OPA3: variants seen among roughly 807,000 people sequenced by gnomAD.
OPA3 encodes the protein outer mitochondrial membrane lipid metabolism regulator OPA3.
OPA3 carries 6 observed loss-of-function variants against 4.0 expected under a neutral mutation model. The ratio of observed to expected loss-of-function variants is 1.51; its 90% CI spans 0.83 to 2.99. The LOEUF (loss-of-function observed/expected upper bound fraction) is 2.99, where lower values mean the gene tolerates loss of function less well. Ranked by LOEUF, OPA3 falls within the 30% of genes most tolerant of loss-of-function variation. OPA3 has a pLI of 0.00. For missense variants in OPA3, 235 were observed against 256.2 expected, an observed-to-expected ratio of 0.92 and a Z score of 0.56; for synonymous variants, 105 against 117.1, an observed-to-expected ratio of 0.90 and a Z score of 0.67.
Position 45,552,988 on chromosome 19 carries a change from T to A in OPA3, c.*526A>T. 1.0e-6 allele frequency: 1 copy of A among 992,688 alleles called. No homozygotes were observed. Among genetic ancestry groups the A allele is most frequent in the Non-Finnish European group, 1.2e-6 (1 of 834,578 alleles). 61.5% of individuals were successfully genotyped at this position (992,688 alleles called of 1,614,324 possible). A position where few individuals can be genotyped will look rare whatever the true frequency, so the allele number is the denominator to read the frequency against. ...ACCGCTCCCAGCCGCACCGTTTTTT[T>A]CCTCCTTAAGAGAGCACTGATGCTC... On this transcript the variant is annotated 3_prime_UTR_variant, in exon 2 of 2. Coordinates refer to ENST00000263275, the MANE Select transcript of OPA3 (RefSeq NM_025136.4).
chr19:45,580,051 TAGTGG>T (rs1568411924), intron 1 of OPA3, among the ~76,000 whole-genome samples: 2 of 149,666 alleles, frequency 1.3e-5, no homozygotes, highest in African/African-American at 4.9e-5. Flanking sequence ...GGCTGGAGTG[TAGTGG>T]CACGATCTCG....
intron 1 of OPA3, among the ~76,000 whole-genome samples, chr19:45,539,996 C>T (rs1238186163): frequency 6.6e-6 from 1 of 152,078 alleles, no homozygotes; most frequent in Non-Finnish European, 1.5e-5. Context: ...TGTCAGTTTA[C>T]TGAAAATCAT....
chr19:45,555,257 G>C (rs1969403483), intron 1 of OPA3, among the ~76,000 whole-genome samples: 1 of 152,180 alleles, frequency 6.6e-6, no homozygotes, highest in African/African-American at 2.4e-5. Flanking sequence ...AATTCTGTGG[G>C]TATGTGGACT....
chr19:45,543,176 A>C (rs1402143775), downstream of OPA3, among the ~76,000 whole-genome samples: 1 of 151,528 alleles, frequency 6.6e-6, no homozygotes. Flanking sequence ...TGCCTGACTA[A>C]CTTTTGTATT....
chr19:45,550,120 T>C lies in OPA3; in HGVS notation c.*3394A>G, dbSNP rs561119752. 1.1e-4 allele frequency: 84 copies of C among 777,808 alleles called. No individual in the cohort carries two copies. In the African/African-American group the frequency reaches 1.3e-3, roughly 12 times the overall value. 48.2% of individuals were successfully genotyped at this position (777,808 alleles called of 1,614,324 possible). A position where few individuals can be genotyped will look rare whatever the true frequency, so the allele number is the denominator to read the frequency against. ...TTGCAGTGAGCCGAGATTGCACCAC[T>C]GCACTCCGTCAGGGTGACGGAGCTA... On this transcript the variant is annotated 3_prime_UTR_variant, in exon 2 of 2. Coordinates refer to ENST00000263275, the MANE Select transcript of OPA3 (RefSeq NM_025136.4).
chr19:45,530,964 C>CTTTTTTTTTT (rs1969054780), intron 1 of OPA3, among the ~76,000 whole-genome samples: 1 of 42,200 alleles, frequency 2.4e-5, no homozygotes, highest in African/African-American at 9.4e-5. Flanking sequence ...TTTTTTTTTG[C>CTTTTTTTTTT]ATTTTAGTAG....
chr19:45,572,299 CAT>C (rs1054024267), intron 1 of OPA3, among the ~76,000 whole-genome samples: 2 of 114,864 alleles, frequency 1.7e-5, no homozygotes, highest in South Asian at 2.7e-4. Flanking sequence ...ATATATATCT[CAT>C]ATATATCGAC....
intron 1 of OPA3, among the ~76,000 whole-genome samples, chr19:45,554,455 C>G (rs146945849): frequency 1.3e-4 from 20 of 152,190 alleles, no homozygotes; most frequent in African/African-American, 4.1e-4. Context: ...TTCATCAGCC[C>G]TGAAGGTGCA....
At position 45,552,093 on chromosome 19, in the gene OPA3, G is replaced by A. The variant is rs1444521653; in HGVS notation, c.*1421C>T. ...GGACATTCACAGAAAAGATCCTGTA[G>A]TGCCATTCCAGTGGGTTGTGCCATA... On this transcript the variant is annotated 3_prime_UTR_variant, in exon 2 of 2. Coordinates refer to ENST00000263275, the MANE Select transcript of OPA3 (RefSeq NM_025136.4). 1.0e-6 allele frequency: 1 copy of A among 985,492 alleles called. No homozygotes were observed. Among genetic ancestry groups the A allele is most frequent in the African/African-American group, 1.7e-5 (1 of 57,348 alleles). 61.0% of individuals were successfully genotyped at this position (985,492 alleles called of 1,614,324 possible). A position where few individuals can be genotyped will look rare whatever the true frequency, so the allele number is the denominator to read the frequency against.
chr19:45,584,473 G>T (rs564075556), intron 1 of OPA3, 150 bp downstream of exon 1: 57 of 1,438,920 alleles, frequency 4.0e-5, no homozygotes, highest in Admixed American at 3.9e-4. Flanking sequence ...CCACCCGTAC[G>T]CCCCTCTATC....
At chr19:45,545,194 T>A (rs4803832), downstream of OPA3, among the ~76,000 whole-genome samples, 99,216 of 130,696 alleles carry the variant, frequency 0.76, 38,055 homozygotes, top group South Asian at 0.87. Context: ...AAACAAAAAA[T>A]AGGAAATCAA....
intron 1 of OPA3, among the ~76,000 whole-genome samples, chr19:45,580,048 G>A (rs1037608648): frequency 2.0e-5 from 3 of 149,054 alleles, no homozygotes; most frequent in Non-Finnish European, 4.4e-5. Context: ...CCAGGCTGGA[G>A]TGTAGTGGCA....
chr19:45,556,907 G>A (rs1969429098), intron 1 of OPA3, among the ~76,000 whole-genome samples: 1 of 152,218 alleles, frequency 6.6e-6, no homozygotes, highest in South Asian at 2.1e-4. Context: ...TCCCCCCGGG[G>A]CTCCGCCACC....
chr19:45,542,111 T>C (rs917006880), downstream of OPA3, among the ~76,000 whole-genome samples: 1 of 152,126 alleles, frequency 6.6e-6, no homozygotes, highest in African/African-American at 2.4e-5. Flanking sequence ...CACCGAGTTC[T>C]AGGAAAAATA....
At chr19:45,584,171 G>A (rs1969896830) in intron 1 of OPA3, among the ~76,000 whole-genome samples, 1 of 152,052 alleles carries the variant, frequency 6.6e-6, no homozygotes, top group Non-Finnish European at 1.5e-5. Flanking sequence ...CCTAAACGGA[G>A]GATATACAAG....
At chr19:45,584,487 A>C in intron 1 of OPA3, 136 bp downstream of exon 1, 2 of 1,560,836 alleles carry the variant, frequency 1.3e-6, no homozygotes, top group East Asian at 2.3e-5. Flanking sequence ...CTCTATCAGA[A>C]ACCCCCCACT....
chr19:45,565,705 T>G (rs1467084993), intron 1 of OPA3, among the ~76,000 whole-genome samples: 1 of 152,082 alleles, frequency 6.6e-6, no homozygotes, highest in African/African-American at 2.4e-5. Flanking sequence ...AGGCTGGTCT[T>G]GAACTCCTGA....
intron 1 of OPA3, among the ~76,000 whole-genome samples, chr19:45,530,315 C>G (rs1969045364): frequency 6.6e-6 from 1 of 152,050 alleles, no homozygotes; most frequent in East Asian, 1.9e-4. Context: ...GATCATGCCA[C>G]TGTACTCCAG....
At chr19:45,584,408 C>T (rs1412898686) in intron 1 of OPA3, 5 of 985,254 alleles carry the variant, frequency 5.1e-6, no homozygotes, top group African/African-American at 1.7e-5. Flanking sequence ...ATTTCCTACT[C>T]GCGTGGTGGC....
Sources: gnomAD v4.1 joint callset for allele counts (sites outside exome capture counted in the v4.1 genomes callset) on GRCh38, gnomAD v4.1.1 for gene constraint, MANE v1.5 for transcripts, NCBI Gene and HGNC (gene_info 2026-07-23, HGNC 2026-07-21) for gene names.